The following LPO variants were observed in gnomAD, a reference collection of about 807,000 sequenced individuals.
LPO encodes lactoperoxidase, also known as salivary peroxidase.
A neutral mutation model predicts 68.4 loss-of-function variants in LPO; 70 were observed. The observed-to-expected ratio is 1.02, with a 90% confidence interval of 0.84 to 1.25. The LOEUF (loss-of-function observed/expected upper bound fraction) is 1.25. LPO is among the 50% of genes most tolerant of loss of function. The pLI is 0.00. For synonymous variants in LPO, 360 were observed against 357.6 expected (o/e 1.01, Z -0.08); for missense variants, 873 against 908.4 (o/e 0.96, Z 0.50).
chr17:58,248,023 A>C (rs997968402), intron 4 of LPO, among the ~76,000 whole-genome samples: 5 of 152,042 alleles, frequency 3.3e-5, no homozygotes, highest in African/African-American at 1.2e-4. Context: ...CATTTAAGCC[A>C]CATGTGTCAG....
At chr17:58,249,330 G>T (rs971316598) in intron 5 of LPO, 153 bp downstream of exon 5, 3 of 883,008 alleles carry the variant, frequency 3.4e-6, no homozygotes, top group Admixed American at 2.7e-5. Flanking sequence ...AAGATCGCGC[G>T]TCTCCAGCCC....
chr17:58,240,723 A>T (rs1039375553), intron 1 of LPO, among the ~76,000 whole-genome samples: 3 of 152,144 alleles, frequency 2.0e-5, no homozygotes, highest in African/African-American at 7.2e-5. Context: ...TTCCTGTTCA[A>T]ATTTCTCAAC....
intron 9 of LPO, among the ~76,000 whole-genome samples, chr17:58,260,705 T>G (rs1007620573): frequency 6.6e-6 from 1 of 152,188 alleles, no homozygotes; most frequent in Non-Finnish European, 1.5e-5. Context: ...CTCTTATTTT[T>G]CAAGTTTCTT....
At chr17:58,240,109 A>T (rs2143873214) in intron 1 of LPO, among the ~76,000 whole-genome samples, 1 of 152,346 alleles carries the variant, frequency 6.6e-6, no homozygotes, top group East Asian at 1.9e-4. Flanking sequence ...AAAAGGAACG[A>T]TCTAACTTTT....
intron 9 of LPO, among the ~76,000 whole-genome samples, chr17:58,255,281 A>G (rs1278848407): frequency 6.6e-6 from 1 of 152,182 alleles, no homozygotes; most frequent in Non-Finnish European, 1.5e-5. Context: ...CGGGACTGCT[A>G]CATCGCAGTG....
Position 58,267,830 on chromosome 17 carries a change from G to T in LPO, c.1975G>T (p.Asp659Tyr). Reference sequence around the variant, plus strand: ...TGGGGTCTTCACGAACGAGCAGAAGGACTCTCTACAGAAAATGTCCTTCTC... The same window carrying T: ...TGGGGTCTTCACGAACGAGCAGAAGTACTCTCTACAGAAAATGTCCTTCTC... ...NPGVFTNEQK[D>Y]SLQKMSFSRL... The change falls in exon 13 of 13, where the codon GAC (aspartate) becomes TAC (tyrosine). Residue 659 changes from aspartate to tyrosine, a missense_variant. Coordinates refer to ENST00000262290, the MANE Select transcript of LPO (RefSeq NM_006151.3). The T allele has an allele frequency of 1.2e-6, 2 of 1,614,122 alleles. No homozygotes were observed. The highest frequency in any genetic ancestry group is 1.7e-6 in the Non-Finnish European group (2 of 1,180,024).
chr17:58,243,216 GA>G, intron 2 of LPO, 161 bp downstream of exon 2: 1 of 637,722 alleles, frequency 1.6e-6, no homozygotes, highest in Non-Finnish European at 2.7e-6. Flanking sequence ...CTCTAGGGAA[GA>G]ATGCTTCCTT....
intron 8 of LPO, among the ~76,000 whole-genome samples, chr17:58,252,789 C>T (rs1489902414): frequency 2.7e-5 from 3 of 113,166 alleles, no homozygotes; most frequent in Non-Finnish European, 3.9e-5. Context: ...TTTGGGAGGC[C>T]GAGGCAGGCA....
At chr17:58,264,684 T>G (rs756546581) in intron 9 of LPO, 38 bp from the exon 10 acceptor site, 1 of 1,611,146 alleles carries the variant, frequency 6.2e-7, no homozygotes, top group East Asian at 2.2e-5. Flanking sequence ...GTTTAAACCT[T>G]CTTACACCCT....
In LPO at chr17:58,257,630, G is replaced by C. The variant is rs556993875; in HGVS notation, c.1266+2659G>C. Among the ~76,000 whole-genome samples, 3 of 152,316 alleles carry C rather than the reference G, an allele frequency of 2.0e-5. No homozygotes were observed. In the South Asian group the frequency reaches 6.2e-4, roughly 32 times the overall value. On this transcript the variant is annotated intron_variant, in intron 9 of 12. Transcript: ENST00000262290. ...AGTGCGGATATCTCTTTGATATACTGATTTTATTTCTTTTGGGTATACACC... is the reference window on the plus strand; with the variant it reads ...AGTGCGGATATCTCTTTGATATACTCATTTTATTTCTTTTGGGTATACACC...
intron 3 of LPO, 110 bp downstream of exon 3, chr17:58,244,191 A>G: frequency 4.8e-6 from 4 of 831,318 alleles, no homozygotes; most frequent in South Asian, 3.0e-5. Context: ...GGATGAGCCA[A>G]TGAGGTGAAC....
rs1969910969 is a variant in LPO, at chr17:58,249,282, C to T, written c.443+105C>T. ...TCTAGGCAGATCTGCCACTGCCTTG[C>T]CCACCTGGGCTGGCGTTCCCACCTT... On this transcript the variant is annotated intron_variant, in intron 5 of 12. Coordinates refer to ENST00000262290, the MANE Select transcript of LPO (RefSeq NM_006151.3). The T allele has an allele frequency of 5.6e-6, 6 of 1,077,786 alleles. No homozygotes were observed. In the East Asian group the frequency reaches 1.3e-4, roughly 23 times the overall value. The allele number at this position is 1,077,786 out of a possible 1,614,324, so 66.8% of individuals were successfully genotyped here. A position where few individuals can be genotyped will look rare whatever the true frequency, so the allele number is the denominator to read the frequency against.
rs192279970 is a variant in LPO at position 58,248,970 on chromosome 17, A to C, written c.326-90A>C. 1,216 of 926,756 alleles carry C rather than the reference A, an allele frequency of 1.3e-3. 4 individuals are homozygous for C. The highest frequency in any genetic ancestry group is 1.9e-3 in the Non-Finnish European group (1,068 of 554,100). The allele number at this position is 926,756 out of a possible 1,614,324, so 57.4% of individuals were successfully genotyped here. A position where few individuals can be genotyped will look rare whatever the true frequency, so the allele number is the denominator to read the frequency against. ...GAATGGAATGCATTCCAAAACATGC[A>C]GGTTCACCTCTGGTCTCCATTTCCT... is the stretch of plus-strand genomic sequence containing the variant. On this transcript the variant is annotated intron_variant, in intron 4 of 12. Coordinates refer to ENST00000262290, the MANE Select transcript of LPO (RefSeq NM_006151.3).
intron 9 of LPO, among the ~76,000 whole-genome samples, chr17:58,263,692 A>G (rs1273799210): frequency 1.3e-5 from 2 of 152,114 alleles, no homozygotes; most frequent in Non-Finnish European, 2.9e-5. Context: ...GTGAGCCAAG[A>G]TGGCATCACT....
At position 58,267,493 on chromosome 17, in the gene LPO, C is replaced by T; in HGVS notation, c.1838C>T (p.Ala613Val). The T allele has an allele frequency of 6.2e-7, 1 of 1,614,202 alleles. No homozygotes were observed. The highest frequency in any genetic ancestry group is 1.1e-5 in the South Asian group (1 of 91,086). ...GACAACATCGACATCTGGATAGGGG[C>T]CATTGCTGAGCCGCTGGTGGAAAGG... is the stretch of plus-strand genomic sequence containing the variant. ...TPDNIDIWIG[A>V]IAEPLVERGR... The change falls in exon 12 of 13, where the codon GCC becomes GTC. Residue 613 changes from alanine (A) to valine (V), a missense_variant. Transcript: ENST00000262290.
intron 8 of LPO, among the ~76,000 whole-genome samples, chr17:58,254,149 A>G (rs558531919): frequency 1.1e-5 from 1 of 92,476 alleles, no homozygotes; most frequent in East Asian, 3.0e-4. Flanking sequence ...AGATATATAG[A>G]TATATAGATA....
At chr17:58,265,575 T>G in intron 10 of LPO, among the ~76,000 whole-genome samples, 2 of 46,940 alleles carry the variant, frequency 4.3e-5, no homozygotes, top group Non-Finnish European at 7.6e-5. Context: ...AAAAATACCT[T>G]TTTTTTTTTT....
intron 7 of LPO, 23 bp from the exon 8 acceptor site, chr17:58,252,159 A>T (rs1461998737): frequency 3.1e-6 from 5 of 1,606,174 alleles, no homozygotes; most frequent in Non-Finnish European, 2.6e-6. Flanking sequence ...CTGCCCAGTC[A>T]CTTATGCCCA....
At chr17:58,245,511 C>T (rs1214320407) in intron 3 of LPO, among the ~76,000 whole-genome samples, 2 of 152,120 alleles carry the variant, frequency 1.3e-5, no homozygotes, top group Non-Finnish European at 1.5e-5. Context: ...CTTCACCCCT[C>T]CCCACCCTGT....
Sources: allele counts gnomAD v4.1 joint callset (sites outside exome capture counted in the v4.1 genomes callset), GRCh38; gene constraint gnomAD v4.1.1; transcripts MANE v1.5; gene names NCBI Gene and HGNC (gene_info 2026-07-23, HGNC 2026-07-21).